The following PALS1 variants were observed in gnomAD, a reference collection of about 807,000 sequenced individuals.
PALS1 encodes protein associated with LIN7 1, MAGUK p55 family member.
PALS1 carries 31 observed loss-of-function variants against 78.9 expected under a neutral mutation model. The ratio of observed to expected loss-of-function variants is 0.39; its 90% confidence interval spans 0.30 to 0.53. The LOEUF is 0.53. Among genes scored for constraint, PALS1 ranks in the 20% least tolerant of loss-of-function variants. PALS1 has a pLI of 0.67. For missense variants in PALS1, 704 were observed against 826.5 expected (o/e 0.85, Z 1.82); for synonymous variants, 276 against 270.9 (o/e 1.02, Z -0.18).
intron 13 of PALS1, among the ~76,000 whole-genome samples, 185 bp downstream of exon 13, chr14:67,321,444 A>G (rs959270863): frequency 2.0e-5 from 3 of 152,192 alleles, no homozygotes; most frequent in Non-Finnish European, 2.9e-5. Context: ...CTCAGAGGGA[A>G]AACATATACA....
chr14:67,262,212 A>G (rs996455456), intron 1 of PALS1, among the ~76,000 whole-genome samples: 3 of 152,180 alleles, frequency 2.0e-5, no homozygotes, highest in South Asian at 2.1e-4. Flanking sequence ...TTACAAATGT[A>G]AGATATAAGT....
intron 8 of PALS1, among the ~76,000 whole-genome samples, chr14:67,311,829 GAATT>G (rs2085094769): frequency 6.6e-6 from 1 of 152,144 alleles, no homozygotes; most frequent in African/African-American, 2.4e-5. Context: ...ATACAAATAA[GAATT>G]GATTATAAAC....
Position 67,279,308 on chromosome 14 carries a change from G to T in PALS1, c.138G>T (p.Arg46Ser), listed in dbSNP as rs1236149442. The T allele has an allele frequency of 6.2e-7, 1 of 1,613,924 alleles. No homozygotes were observed. The highest frequency in any genetic ancestry group is 2.2e-5 in the East Asian group (1 of 44,874). The change falls in exon 3 of 15, where the codon AGG (arginine) becomes AGT (serine). Residue 46 changes from arginine (R) to serine (S), a missense_variant. By Grantham distance (110) the Arg-to-Ser change is moderately radical (BLOSUM62 -1). Transcript: ENST00000261681. ...ACTGCCCTGGAGATTTGGGCACCAG[G>T]ATGATGCCAATACGTCGAAGTGCAC... is the stretch of plus-strand genomic sequence containing the variant. ...AVDCPGDLGTRMMPIRRSAQL... is the reference protein window; with the variant it reads ...AVDCPGDLGTSMMPIRRSAQL...
At chr14:67,332,669 A>G in intron 14 of PALS1, 111 bp from the exon 15 acceptor site, 1 of 1,102,080 alleles carries the variant, frequency 9.1e-7, no homozygotes. Context: ...GTTGGGAGAG[A>G]CAGAAGGAAA....
chr14:67,261,798 T>C (rs1177385325), intron 1 of PALS1, among the ~76,000 whole-genome samples: 1 of 152,088 alleles, frequency 6.6e-6, no homozygotes, highest in Non-Finnish European at 1.5e-5. Context: ...GCAATAGATA[T>C]CTTGTTACCA....
Position 67,334,850 on chromosome 14 carries a change from A to G in PALS1, c.*1894A>G, listed in dbSNP as rs1566591598. On this transcript the variant is annotated 3_prime_UTR_variant, in exon 15 of 15. Transcript: ENST00000261681. The stretch of plus-strand genomic sequence containing the variant: ...CAGTTTTCCAGTTTACGTCTCAGGA[A>G]TGAAGTGTAGTCTATGGTTGACAAT... 1 of 152,238 alleles carries G rather than the reference A, an allele frequency of 6.6e-6. No homozygotes were observed. 9.4% of individuals were successfully genotyped at this position (152,238 alleles called of 1,614,324 possible).
Position 67,335,582 on chromosome 14 carries a change from T to C in PALS1, c.*2626T>C, listed in dbSNP as rs1343708875. On this transcript the variant is annotated 3_prime_UTR_variant, in exon 15 of 15. Coordinates refer to ENST00000261681, the MANE Select transcript of PALS1 (RefSeq NM_022474.4). The stretch of plus-strand genomic sequence containing the variant: ...ATGAAAATCTAATGTCTGGATTATC[T>C]TCCTTTTCTCATGGCCTAAGAAATA... 1 of 152,662 alleles carries C rather than the reference T, an allele frequency of 6.6e-6. No individual in the cohort carries two copies. The highest frequency in any genetic ancestry group is 1.5e-5 in the Non-Finnish European group (1 of 68,044). The allele number at this position is 152,662 out of a possible 1,614,324, so 9.5% of individuals were successfully genotyped here. A position where few individuals can be genotyped will look rare whatever the true frequency, so the allele number is the denominator to read the frequency against.
intron 1 of PALS1, among the ~76,000 whole-genome samples, chr14:67,252,336 G>T (rs1243907454): frequency 6.7e-6 from 1 of 150,122 alleles, no homozygotes; most frequent in Non-Finnish European, 1.5e-5. Flanking sequence ...TTTATTTTTT[G>T]TAGAGATGAG....
intron 1 of PALS1, among the ~76,000 whole-genome samples, chr14:67,262,785 G>A (rs2084259839): frequency 1.3e-5 from 2 of 152,028 alleles, no homozygotes; most frequent in South Asian, 2.1e-4. Context: ...TATCTCTTAC[G>A]GTGGCTCTGT....
At chr14:67,276,119 G>A (rs1414774805) in intron 2 of PALS1, among the ~76,000 whole-genome samples, 1 of 151,826 alleles carries the variant, frequency 6.6e-6, no homozygotes, top group African/African-American at 2.4e-5. Context: ...CTATCCAATA[G>A]GAGTGATATT....
At chr14:67,327,400 T>C (rs575920073) in intron 14 of PALS1, among the ~76,000 whole-genome samples, 48 of 152,100 alleles carry the variant, frequency 3.2e-4, no homozygotes, top group African/African-American at 1.2e-3. Flanking sequence ...ACACCTGTAA[T>C]CCCAGCATTT....
intron 3 of PALS1, among the ~76,000 whole-genome samples, chr14:67,285,406 G>A (rs1163248686): frequency 3.5e-5 from 5 of 142,584 alleles, no homozygotes; most frequent in South Asian, 2.2e-4. Context: ...TCGCTCTGTC[G>A]CCCAGGCTGG....
At chr14:67,276,575 A>G (rs1359439147) in intron 2 of PALS1, among the ~76,000 whole-genome samples, 2 of 152,192 alleles carry the variant, frequency 1.3e-5, no homozygotes, top group African/African-American at 4.8e-5. Flanking sequence ...TAAGCACTGG[A>G]GCTATAAAAG....
At chr14:67,276,332 T>C (rs543582805) in intron 2 of PALS1, among the ~76,000 whole-genome samples, 1 of 152,352 alleles carries the variant, frequency 6.6e-6, no homozygotes, top group South Asian at 2.1e-4. Context: ...AGTGCCATTC[T>C]GTCATACTCT....
rs142849369 is a variant in PALS1 at position 67,258,989 on chromosome 14, C to T, written c.-236-10712C>T. Among the ~76,000 whole-genome samples, 634 of 151,898 alleles carry T rather than the reference C, an allele frequency of 4.2e-3. 5 individuals are homozygous for T. The highest frequency in any genetic ancestry group is 7.7e-3 in the Non-Finnish European group (526 of 67,958). On this transcript the variant is annotated intron_variant, in intron 1 of 14. Coordinates refer to ENST00000261681, the MANE Select transcript of PALS1 (RefSeq NM_022474.4). ...TCCCGAGTAGCTGGGACTACAGGCGCGTGCCACCATGCCTGGCTAATTTTT... is the reference window on the plus strand; with the variant it reads ...TCCCGAGTAGCTGGGACTACAGGCGTGTGCCACCATGCCTGGCTAATTTTT...
chr14:67,293,981 C>CA (rs1566556563), intron 4 of PALS1, among the ~76,000 whole-genome samples: 1 of 152,058 alleles, frequency 6.6e-6, no homozygotes, highest in East Asian at 1.9e-4. Context: ...AGAAAAGAAA[C>CA]AACTTAGCTT....
At chr14:67,291,991 A>G (rs948298325) in intron 3 of PALS1, among the ~76,000 whole-genome samples, 7 of 152,232 alleles carry the variant, frequency 4.6e-5, no homozygotes, top group African/African-American at 1.7e-4. Flanking sequence ...ACTGATTATT[A>G]TGTAATGAAA....
intron 3 of PALS1, among the ~76,000 whole-genome samples, chr14:67,284,910 T>G (rs2084662817): frequency 6.6e-6 from 1 of 152,050 alleles, no homozygotes; most frequent in Non-Finnish European, 1.5e-5. Flanking sequence ...TAAAAAATTT[T>G]TATTTTTATT....
At chr14:67,288,479 G>A (rs192442819) in intron 3 of PALS1, among the ~76,000 whole-genome samples, 178 of 152,248 alleles carry the variant, frequency 1.2e-3, no homozygotes, top group East Asian at 2.3e-3. Context: ...ATTTCTTGAC[G>A]CCAGGAGTTA....
Sources: gnomAD v4.1 joint callset for allele counts (sites outside exome capture counted in the v4.1 genomes callset) on GRCh38, gnomAD v4.1.1 for gene constraint, MANE v1.5 for transcripts, NCBI Gene and HGNC (gene_info 2026-07-23, HGNC 2026-07-21) for gene names.